The following OR10A2 variants were observed in gnomAD, a reference collection of about 807,000 sequenced individuals.
OR10A2 encodes olfactory receptor 10A2.
A neutral mutation model predicts 13.7 loss-of-function variants in OR10A2; 15 were observed. The observed-to-expected ratio is 1.10, with a 90% confidence interval of 0.73 to 1.69. OR10A2 has a LOEUF of 1.69. Among genes scored for constraint, OR10A2 ranks in the 40% most tolerant of loss-of-function variants. The probability of loss-of-function intolerance (pLI) is 0.00; values close to 1 mark genes in which losing one functional copy is unlikely to be tolerated. For missense variants in OR10A2, 343 were observed against 361.1 expected, an observed-to-expected ratio of 0.95 and a Z score of 0.41; for synonymous variants, 145 against 144.7, an observed-to-expected ratio of 1.00 and a Z score of -0.02.
intron 1 of OR10A2, among the ~76,000 whole-genome samples, chr11:6,863,684 T>C (rs2133066785): frequency 6.6e-6 from 1 of 152,272 alleles, no homozygotes; most frequent in Non-Finnish European, 1.5e-5. Context: ...GTCTTGATTT[T>C]CGTCTAAGTA....
intron 1 of OR10A2, among the ~76,000 whole-genome samples, chr11:6,863,568 A>G (rs765813849): frequency 3.9e-5 from 6 of 152,092 alleles, no homozygotes; most frequent in Non-Finnish European, 8.8e-5. Flanking sequence ...TGGGCTCACA[A>G]AAAGACTGAT....
Position 6,873,290 on chromosome 11 carries a change from C to G in OR10A2, c.*2624C>G, listed in dbSNP as rs1012964121. On this transcript the variant is annotated 3_prime_UTR_variant, in exon 2 of 2. Transcript: ENST00000641461. ...TTGGTTCCCAGAGAGACAATGTAGA[C>G]TGCCCAGGCAGGCAGCTCATTGAGG... 2.0e-5 allele frequency: 3 copies of G among 152,230 alleles called. No individual in the cohort carries two copies. Among genetic ancestry groups the G allele is most frequent in the Admixed American group, 1.3e-4 (2 of 15,286 alleles). 9.4% of individuals were successfully genotyped at this position (152,230 alleles called of 1,614,324 possible). A position where few individuals can be genotyped will look rare whatever the true frequency, so the allele number is the denominator to read the frequency against.
At chr11:6,866,632 CA>C (rs1187707021) in intron 1 of OR10A2, among the ~76,000 whole-genome samples, 2 of 151,956 alleles carry the variant, frequency 1.3e-5, no homozygotes, top group Non-Finnish European at 2.9e-5. Flanking sequence ...TCTTTATAAG[CA>C]TATATGCATT....
At chr11:6,863,537 T>G (rs1277512096) in intron 1 of OR10A2, among the ~76,000 whole-genome samples, 186 bp downstream of exon 1, 1 of 151,964 alleles carries the variant, frequency 6.6e-6, no homozygotes. Flanking sequence ...GTTTACTCTA[T>G]GTCATAAGAA....
rs146010622 is a variant in OR10A2 at position 6,865,536 on chromosome 11, C to T, written c.-133+2185C>T. 1.7e-3 allele frequency among the ~76,000 whole-genome samples: 255 copies of T among 152,158 alleles called. 1 individual carries two copies. Among genetic ancestry groups the T allele is most frequent in the Middle Eastern group, 6.8e-3 (2 of 292 alleles). On this transcript the variant is annotated intron_variant, in intron 1 of 1. Transcript: ENST00000641461. Reference sequence around the variant, plus strand: ...CTGAACAAACAATTGGCTATGCTTACTAAATATTCACACTGATTCAATAAT... The same window carrying T: ...CTGAACAAACAATTGGCTATGCTTATTAAATATTCACACTGATTCAATAAT...
intron 1 of OR10A2, among the ~76,000 whole-genome samples, chr11:6,864,959 C>CAT (rs1443264100): frequency 6.9e-6 from 1 of 145,146 alleles, no homozygotes; most frequent in Non-Finnish European, 1.5e-5. Context: ...TATGTATTCT[C>CAT]ATATATAAAT....
chr11:6,869,683 G>T lies in OR10A2; in HGVS notation c.-72G>T. The stretch of plus-strand genomic sequence containing the variant: ...CTTCCAATCAATAATCTTTCTCCAT[G>T]ACCACAGTTGGGGACTTCTGCCCAC... On this transcript the variant is annotated 5_prime_UTR_variant, in exon 2 of 2. It removes an upstream start codon present in the reference 5' UTR. Coordinates refer to ENST00000641461, the MANE Select transcript of OR10A2 (RefSeq NM_001004460.2). The T allele has an allele frequency of 8.1e-7, 1 of 1,236,122 alleles. No homozygotes were observed. The highest frequency in any genetic ancestry group is 1.3e-5 in the South Asian group (1 of 74,396). 76.6% of individuals were successfully genotyped at this position (1,236,122 alleles called of 1,614,324 possible).
chr11:6,868,094 T>C (rs1224338489), intron 1 of OR10A2, among the ~76,000 whole-genome samples: 3 of 152,206 alleles, frequency 2.0e-5, no homozygotes, highest in Admixed American at 6.5e-5. Flanking sequence ...CTTTTCATCA[T>C]TGGTTCTTTT....
chr11:6,867,819 A>C (rs1375828778), intron 1 of OR10A2, among the ~76,000 whole-genome samples: 2 of 152,064 alleles, frequency 1.3e-5, no homozygotes, highest in African/African-American at 2.4e-5. Flanking sequence ...GCACAATCAC[A>C]GCTCAATGTA....
chr11:6,863,503 C>T (rs551931177), intron 1 of OR10A2, among the ~76,000 whole-genome samples, 152 bp downstream of exon 1: 4 of 151,452 alleles, frequency 2.6e-5, no homozygotes, highest in African/African-American at 9.7e-5. Flanking sequence ...GAGATCTCAT[C>T]AGTTCCTCTC....
chr11:6,865,532 C>T (rs1013239331), intron 1 of OR10A2, among the ~76,000 whole-genome samples: 1 of 152,086 alleles, frequency 6.6e-6, no homozygotes, highest in Non-Finnish European at 1.5e-5. Flanking sequence ...ATTGGCTATG[C>T]TTACTAAATA....
chr11:6,868,211 A>C (rs1426608849), intron 1 of OR10A2, among the ~76,000 whole-genome samples: 4 of 152,336 alleles, frequency 2.6e-5, no homozygotes, highest in East Asian at 1.9e-4. Context: ...CAGTTTGATT[A>C]TAATTCTTTT....
intron 1 of OR10A2, among the ~76,000 whole-genome samples, chr11:6,867,338 A>G (rs1250587938): frequency 6.6e-6 from 1 of 152,012 alleles, no homozygotes; most frequent in Non-Finnish European, 1.5e-5. Flanking sequence ...CAGCCTCCCA[A>G]GTAGCTGAGA....
At chr11:6,869,518 C>G (rs1848406249) in intron 1 of OR10A2, 105 bp from the exon 2 acceptor site, 1 of 543,300 alleles carries the variant, frequency 1.8e-6, no homozygotes, top group African/African-American at 1.9e-5. Flanking sequence ...GATTCAGGCC[C>G]ATCTCAGAGA....
rs1564921834 is a variant in OR10A2 at position 6,873,558 on chromosome 11, C to A, written c.*2892C>A. The A allele has an allele frequency of 6.6e-6, 1 of 152,174 alleles. No individual in the cohort carries two copies. The highest frequency in any genetic ancestry group is 1.5e-5 in the Non-Finnish European group (1 of 68,034). 9.4% of individuals were successfully genotyped at this position (152,174 alleles called of 1,614,324 possible). A position where few individuals can be genotyped will look rare whatever the true frequency, so the allele number is the denominator to read the frequency against. Reference sequence around the variant, plus strand: ...CAGAAGAGTGCCACATGCACAAACACAGGAGTGCTGAGAGACTATGATGTG... The same window carrying A: ...CAGAAGAGTGCCACATGCACAAACAAAGGAGTGCTGAGAGACTATGATGTG... On this transcript the variant is annotated 3_prime_UTR_variant, in exon 2 of 2. Transcript: ENST00000641461.
In OR10A2 at chr11:6,870,563, C is replaced by T. The variant is rs1470115036; in HGVS notation, c.809C>T (p.Pro270Leu). 6.2e-7 allele frequency: 1 copy of T among 1,614,036 alleles called. No homozygotes were observed. The highest frequency in any genetic ancestry group is 1.3e-5 in the African/African-American group (1 of 75,034). Residue 270 changes from proline to leucine, a missense_variant, in exon 2 of 2, where the codon CCC (proline) becomes CTC (leucine). Pro to Leu is a moderately conservative substitution (Grantham distance 98). Transcript: ENST00000641461. ...LLSLSYTVMT[P>L]MLNPIIYSLR... ...TCATTGTCCTACACTGTTATGACTC[C>T]CATGTTGAACCCCATTATCTACAGC...
chr11:6,873,862 C>T lies in OR10A2; in HGVS notation c.*3196C>T, dbSNP rs1478358301. 1 of 150,936 alleles carries T rather than the reference C, an allele frequency of 6.6e-6. No individual in the cohort carries two copies. The highest frequency in any genetic ancestry group is 1.5e-5 in the Non-Finnish European group (1 of 67,482). The allele number at this position is 150,936 out of a possible 1,614,324, so 9.3% of individuals were successfully genotyped here. A position where few individuals can be genotyped will look rare whatever the true frequency, so the allele number is the denominator to read the frequency against. ...GAACCAGAAGCAGGTTCCTACCATA[C>T]TCTAGGCCAGAGAAAATAAATCCAG... On this transcript the variant is annotated 3_prime_UTR_variant, in exon 2 of 2. Transcript: ENST00000641461.
In OR10A2 at chr11:6,869,654, C is replaced by A; in HGVS notation, c.-101C>A. The A allele has an allele frequency of 2.9e-6, 3 of 1,050,588 alleles. No homozygotes were observed. Among genetic ancestry groups the A allele is most frequent in the African/African-American group, 1.6e-5 (1 of 63,180 alleles). 65.1% of individuals were successfully genotyped at this position (1,050,588 alleles called of 1,614,324 possible). A position where few individuals can be genotyped will look rare whatever the true frequency, so the allele number is the denominator to read the frequency against. On this transcript the variant is annotated 5_prime_UTR_variant, in exon 2 of 2. The change creates a new upstream start codon in the 5' untranslated region. Coordinates refer to ENST00000641461, the MANE Select transcript of OR10A2 (RefSeq NM_001004460.2). ...CGAGTCTGAAAAACAAATTGAGAATCTGACTTCCAATCAATAATCTTTCTC... is the reference window on the plus strand; with the variant it reads ...CGAGTCTGAAAAACAAATTGAGAATATGACTTCCAATCAATAATCTTTCTC...
In OR10A2 at chr11:6,870,978, G is replaced by A. The variant is rs11041069; in HGVS notation, c.*312G>A. On this transcript the variant is annotated 3_prime_UTR_variant, in exon 2 of 2. Transcript: ENST00000641461. ...TTTTTTTTTTTTGAGACGGAGTCTCGCTCTGTCCCCCAGGCTGGAGTGCAG... is the reference window on the plus strand; with the variant it reads ...TTTTTTTTTTTTGAGACGGAGTCTCACTCTGTCCCCCAGGCTGGAGTGCAG... 0.039 allele frequency: 6,242 copies of A among 160,798 alleles called. 453 individuals carry two copies. The highest frequency in any genetic ancestry group is 0.15 in the African/African-American group (5,722 of 37,680). The allele number at this position is 160,798 out of a possible 1,614,324, so 10.0% of individuals were successfully genotyped here.
Sources: allele counts gnomAD v4.1 joint callset (sites outside exome capture counted in the v4.1 genomes callset), GRCh38; gene constraint gnomAD v4.1.1; transcripts MANE v1.5; gene names NCBI Gene and HGNC (gene_info 2026-07-23, HGNC 2026-07-21).